The following ZNF138 variants were observed in gnomAD, a reference collection of about 807,000 sequenced individuals.
ZNF138 encodes the protein zinc finger protein 138.
ZNF138 carries 33 observed loss-of-function variants against 33.0 expected under a neutral mutation model. The observed-to-expected ratio is 1.00, with a 90% CI of 0.76 to 1.34. The LOEUF (loss-of-function observed/expected upper bound fraction) is 1.34, where lower values mean the gene tolerates loss of function less well. Among genes scored for constraint, ZNF138 ranks in the 40% most tolerant of loss-of-function variants. The pLI, the probability that ZNF138 is intolerant of heterozygous loss-of-function variation, is 0.00. For missense variants in ZNF138, 360 were observed against 370.8 expected (o/e 0.97, Z 0.24); for synonymous variants, 139 against 120.4 (o/e 1.15, Z -1.01).
chr7:64,852,169 T>G, the ZNF138 span, among the ~76,000 whole-genome samples: 2 of 152,324 alleles, frequency 1.3e-5, no homozygotes, highest in Admixed American at 6.5e-5. Context: ...ACAATATAAT[T>G]CTCAACTCAG....
intron 3 of ZNF138, among the ~76,000 whole-genome samples, chr7:64,829,046 C>G (rs1413503366): frequency 6.6e-6 from 1 of 152,010 alleles, no homozygotes; most frequent in East Asian, 1.9e-4. Flanking sequence ...TACTCTTACT[C>G]CATGTTTGTC....
At chr7:64,849,834 G>A in the ZNF138 span, among the ~76,000 whole-genome samples, 1 of 152,036 alleles carries the variant, frequency 6.6e-6, no homozygotes, top group African/African-American at 2.4e-5. Flanking sequence ...GTTCTGCCAG[G>A]CAGTGAGGGA....
intron 3 of ZNF138, among the ~76,000 whole-genome samples, chr7:64,827,306 G>GA (rs1789712953): frequency 3.3e-5 from 5 of 150,848 alleles, no homozygotes; most frequent in Non-Finnish European, 7.4e-5. Flanking sequence ...CGAGTGCAGT[G>GA]GCACAATCTC....
rs748551069 is a variant in ZNF138, at chr7:64,832,164, A to AT, written c.922_923insT (p.Lys308IlefsTer3). 2 of 1,610,524 alleles carry AT rather than the reference A, an allele frequency of 1.2e-6. No homozygotes were observed. Among genetic ancestry groups the AT allele is most frequent in the Non-Finnish European group, 1.7e-6 (2 of 1,179,110 alleles). Reference sequence around the variant, plus strand: ...AATTTATACTGGAGAGGAACCATACAAATGTGAGGAATGTGGCAAAGCTTT... The same window carrying AT: ...AATTTATACTGGAGAGGAACCATACATAATGTGAGGAATGTGGCAAAGCTTT... On this transcript the variant is annotated frameshift_variant, in exon 4 of 4. Transcript: ENST00000307355. LOFTEE classifies it high-confidence loss of function.
chr7:64,837,168 G>C (rs1411082883), downstream of ZNF138, among the ~76,000 whole-genome samples: 2 of 152,152 alleles, frequency 1.3e-5, no homozygotes, highest in Non-Finnish European at 2.9e-5. Flanking sequence ...GGAGGGAAGT[G>C]ACAGTCCAAG....
At chr7:64,860,176 A>G in the ZNF138 span, among the ~76,000 whole-genome samples, 1 of 152,198 alleles carries the variant, frequency 6.6e-6, no homozygotes, top group African/African-American at 2.4e-5. Context: ...CTAAGTATGT[A>G]TTTGTTGGGT....
Position 64,832,431 on chromosome 7 carries a change from G to T in ZNF138, c.*229G>T. 1 of 1,468,940 alleles carries T rather than the reference G, an allele frequency of 6.8e-7. No homozygotes were observed. Among genetic ancestry groups the T allele is most frequent in the East Asian group, 2.5e-5 (1 of 40,022 alleles). The allele number at this position is 1,468,940 out of a possible 1,614,324, so 91.0% of individuals were successfully genotyped here. On this transcript the variant is annotated 3_prime_UTR_variant, in exon 4 of 4. Transcript: ENST00000307355. Reference sequence around the variant, plus strand: ...AAAACCCTACAAATGTAAAGAATGTGGAAAAGCTTTTCACCGATACTCAAT... The same window carrying T: ...AAAACCCTACAAATGTAAAGAATGTTGAAAAGCTTTTCACCGATACTCAAT...
chr7:64,842,148 C>G, the ZNF138 span, among the ~76,000 whole-genome samples: 1 of 152,198 alleles, frequency 6.6e-6, no homozygotes, highest in Admixed American at 6.5e-5. Flanking sequence ...ACTGCAACCT[C>G]CGCCTCTTGG....
the ZNF138 span, among the ~76,000 whole-genome samples, chr7:64,844,550 A>G: frequency 6.6e-6 from 1 of 151,526 alleles, no homozygotes; most frequent in South Asian, 2.1e-4. Context: ...GCAAAATGAG[A>G]AAGGTGAGGC....
chr7:64,827,738 C>T (rs1378166125), intron 3 of ZNF138, among the ~76,000 whole-genome samples: 1 of 151,722 alleles, frequency 6.6e-6, no homozygotes, highest in African/African-American at 2.4e-5. Context: ...TCTAAGATTT[C>T]TTTCATGAAT....
chr7:64,813,433 ATGAT>A (rs1562902405), intron 1 of ZNF138, among the ~76,000 whole-genome samples: 8 of 42,692 alleles, frequency 1.9e-4, no homozygotes, highest in Non-Finnish European at 2.6e-4. Context: ...TTGCATAAAA[ATGAT>A]TTTTTTTTTT....
intron 1 of ZNF138, among the ~76,000 whole-genome samples, chr7:64,807,624 T>C (rs1787718358): frequency 6.6e-6 from 1 of 152,162 alleles, no homozygotes; most frequent in African/African-American, 2.4e-5. Context: ...TGTAAATCTC[T>C]GCCTGAGATT....
chr7:64,821,551 G>T (rs987463906), intron 3 of ZNF138, among the ~76,000 whole-genome samples: 6 of 151,014 alleles, frequency 4.0e-5, no homozygotes, highest in Admixed American at 6.6e-5. Context: ...TATTCTTTTT[G>T]TTTGTTTGTT....
intron 3 of ZNF138, among the ~76,000 whole-genome samples, chr7:64,817,742 A>G (rs901412749): frequency 5.3e-5 from 8 of 152,006 alleles, no homozygotes; most frequent in African/African-American, 1.9e-4. Flanking sequence ...TTACCGATAT[A>G]ACTCTTCATA....
At chr7:64,804,449 T>G (rs566993297) in intron 1 of ZNF138, among the ~76,000 whole-genome samples, 51 of 152,318 alleles carry the variant, frequency 3.3e-4, no homozygotes, top group Middle Eastern at 3.4e-3. Flanking sequence ...TTTGGAGTTG[T>G]GAGTCTTGCT....
At chr7:64,823,571 A>G (rs577731090) in intron 3 of ZNF138, among the ~76,000 whole-genome samples, 14 of 152,276 alleles carry the variant, frequency 9.2e-5, no homozygotes, top group East Asian at 7.7e-4. Flanking sequence ...TCTGGCTTCA[A>G]TGATCCTCCC....
intron 3 of ZNF138, among the ~76,000 whole-genome samples, chr7:64,819,711 C>T (rs911417177): frequency 6.9e-6 from 1 of 145,394 alleles, no homozygotes; most frequent in Non-Finnish European, 1.5e-5. Context: ...GTATTTTTCT[C>T]AGTTTTTCAA....
At chr7:64,838,633 T>C (rs975629199), downstream of ZNF138, among the ~76,000 whole-genome samples, 3 of 152,124 alleles carry the variant, frequency 2.0e-5, no homozygotes, top group African/African-American at 7.2e-5. Context: ...TACTAAGTCC[T>C]GGATAGGGGT....
At chr7:64,841,793 G>A in the ZNF138 span, among the ~76,000 whole-genome samples, 1 of 152,052 alleles carries the variant, frequency 6.6e-6, no homozygotes, top group South Asian at 2.1e-4. Context: ...TATTTTTAAT[G>A]CACTCAAAAA....
Sources: allele counts gnomAD v4.1 joint callset (sites outside exome capture counted in the v4.1 genomes callset), GRCh38; gene constraint gnomAD v4.1.1; transcripts MANE v1.5; gene names NCBI Gene and HGNC (gene_info 2026-07-23, HGNC 2026-07-21).